Variants in CDK14 observed in about 807,000 individuals in gnomAD.
CDK14 encodes cyclin dependent kinase 14.
CDK14 carries 34 observed loss-of-function variants against 60.7 expected under a neutral mutation model. The ratio of observed to expected loss-of-function variants is 0.56; its 90% CI spans 0.43 to 0.75. The LOEUF (loss-of-function observed/expected upper bound fraction) is 0.75, where lower values mean the gene tolerates loss of function less well. CDK14 is among the 30% of genes least tolerant of loss of function. The pLI is 0.00. For synonymous variants in CDK14, 197 were observed against 203.7 expected (o/e 0.97, Z 0.28); for missense variants, 482 against 564.1 (o/e 0.85, Z 1.47).
At position 90,796,632 on chromosome 7, in the gene CDK14, A is replaced by G. The variant is rs555531858; in HGVS notation, c.544+5980A>G. On this transcript the variant is annotated intron_variant, in intron 5 of 14. Transcript: ENST00000380050. ...AACCTGTATTATAAATATGGAATTA[A>G]GGCTCAGAGGGGTTAGATGACTTGT... Among the ~76,000 whole-genome samples, 14 of 152,296 alleles carry G rather than the reference A, an allele frequency of 9.2e-5. No individual in the cohort carries two copies. In the South Asian group the frequency reaches 2.7e-3, roughly 29 times the overall value.
At chr7:90,755,016 A>G (rs541017907) in intron 4 of CDK14, among the ~76,000 whole-genome samples, 1 of 152,304 alleles carries the variant, frequency 6.6e-6, no homozygotes, top group South Asian at 2.1e-4. Context: ...TGCTGGTGAG[A>G]ATGTAAATTA....
intron 5 of CDK14, among the ~76,000 whole-genome samples, chr7:90,854,467 C>T (rs1363448331): frequency 1.3e-5 from 2 of 152,130 alleles, no homozygotes; most frequent in East Asian, 3.8e-4. Context: ...GAGGTTGAGG[C>T]TGCAATGAGC....
At position 91,057,576 on chromosome 7, in the gene CDK14, T is replaced by G. The variant is rs193235428; in HGVS notation, c.1105+11616T>G. On this transcript the variant is annotated intron_variant, in intron 11 of 14. Coordinates refer to ENST00000380050, the MANE Select transcript of CDK14 (RefSeq NM_001287135.2). ...AGTCTTTAATCCATCTTGAATTAAT[T>G]TTTGTATAAGGTATAAGGAAGGGAT... is the stretch of plus-strand genomic sequence containing the variant. Among the ~76,000 whole-genome samples the G allele has an allele frequency of 7.1e-3, 1,086 of 152,328 alleles. 17 individuals are homozygous for G. Among genetic ancestry groups the G allele is most frequent in the African/African-American group, 0.025 (1,039 of 41,570 alleles).
intron 10 of CDK14, among the ~76,000 whole-genome samples, chr7:91,036,491 G>A (rs1286573546): frequency 1.3e-5 from 2 of 151,950 alleles, no homozygotes; most frequent in Non-Finnish European, 2.9e-5. Flanking sequence ...TATACCAAAT[G>A]TGCCTGTCTC....
At chr7:91,066,115 C>T (rs922372517) in intron 11 of CDK14, among the ~76,000 whole-genome samples, 5 of 151,792 alleles carry the variant, frequency 3.3e-5, no homozygotes, top group East Asian at 3.9e-4. Flanking sequence ...TGTGTTACAA[C>T]GAAAAATAAT....
intron 5 of CDK14, among the ~76,000 whole-genome samples, chr7:90,808,213 G>C (rs925262653): frequency 6.6e-6 from 1 of 152,202 alleles, no homozygotes; most frequent in Non-Finnish European, 1.5e-5. Context: ...GGCAGCCAGA[G>C]AGAAAGATTG....
intron 14 of CDK14, among the ~76,000 whole-genome samples, chr7:91,154,248 A>G (rs1800911655): frequency 1.3e-5 from 2 of 151,402 alleles, no homozygotes; most frequent in South Asian, 4.2e-4. Context: ...GTAAATCTTG[A>G]ATATTTCCCC....
Position 90,856,880 on chromosome 7 carries a change from A to G in CDK14, c.545-6295A>G, listed in dbSNP as rs1211759077. 2.0e-5 allele frequency among the ~76,000 whole-genome samples: 3 copies of G among 152,136 alleles called. No homozygotes were observed. The South Asian group carries it at 6.2e-4, about 31-fold the overall frequency. ...AGTTGGGTCCTTAGGTTTCATGAGT[A>G]GTCATTCTGGGAAAGTCAGGCAGCA... On this transcript the variant is annotated intron_variant, in intron 5 of 14. Transcript: ENST00000380050.
chr7:90,771,899 C>T (rs1003735559), intron 4 of CDK14, among the ~76,000 whole-genome samples: 9 of 152,182 alleles, frequency 5.9e-5, no homozygotes, highest in Non-Finnish European at 1.3e-4. Flanking sequence ...ATTTGTCTGC[C>T]TCCTATTGCT....
intron 9 of CDK14, among the ~76,000 whole-genome samples, chr7:90,967,290 G>A (rs2117613609): frequency 6.6e-6 from 1 of 152,210 alleles, no homozygotes; most frequent in South Asian, 2.1e-4. Flanking sequence ...TATAGGAAGG[G>A]AGCTGCCCTA....
intron 4 of CDK14, among the ~76,000 whole-genome samples, chr7:90,786,844 C>T (rs568528810): frequency 1.4e-5 from 2 of 147,834 alleles, no homozygotes; most frequent in African/African-American, 2.5e-5. Flanking sequence ...TCTTGAGCCC[C>T]GGAGATGGAG....
At chr7:90,641,347 C>A (rs1054290074) in intron 2 of CDK14, among the ~76,000 whole-genome samples, 5 of 151,996 alleles carry the variant, frequency 3.3e-5, no homozygotes, top group African/African-American at 1.2e-4. Flanking sequence ...CAGCATTGTT[C>A]ATAATAGCCA....
chr7:91,140,713 G>A (rs1439964308), intron 14 of CDK14, among the ~76,000 whole-genome samples: 1 of 152,098 alleles, frequency 6.6e-6, no homozygotes, highest in Non-Finnish European at 1.5e-5. Context: ...AGTAGGAATG[G>A]TTCCTTTCTT....
At chr7:90,698,483 A>G (rs933522426) in intron 2 of CDK14, among the ~76,000 whole-genome samples, 1 of 152,216 alleles carries the variant, frequency 6.6e-6, no homozygotes, top group Non-Finnish European at 1.5e-5. Context: ...AATATGCATC[A>G]TGGGTGAGTC....
chr7:91,007,715 G>C (rs1014918337), intron 10 of CDK14, among the ~76,000 whole-genome samples: 4 of 151,918 alleles, frequency 2.6e-5, no homozygotes, highest in African/African-American at 9.7e-5. Flanking sequence ...GCTAGCAGCT[G>C]TCAGTAAACT....
intron 5 of CDK14, among the ~76,000 whole-genome samples, chr7:90,820,498 T>C (rs1305613648): frequency 6.6e-6 from 1 of 152,176 alleles, no homozygotes; most frequent in Non-Finnish European, 1.5e-5. Context: ...TTTCCCTGCC[T>C]CGCTCTGTCT....
intron 10 of CDK14, among the ~76,000 whole-genome samples, chr7:91,036,123 G>A (rs1020745944): frequency 5.9e-5 from 9 of 152,174 alleles, no homozygotes; most frequent in Admixed American, 3.9e-4. Flanking sequence ...GATTATAGGC[G>A]TGAGCCACTG....
chr7:90,633,280 G>A (rs2116409510), intron 2 of CDK14, among the ~76,000 whole-genome samples: 1 of 152,212 alleles, frequency 6.6e-6, no homozygotes, highest in South Asian at 2.1e-4. Context: ...TATTATTTAT[G>A]TTGACTATTT....
At chr7:91,187,639 A>G (rs1174264864) in intron 14 of CDK14, among the ~76,000 whole-genome samples, 2 of 152,188 alleles carry the variant, frequency 1.3e-5, no homozygotes, top group Admixed American at 6.6e-5. Context: ...TGGAGGTTTA[A>G]TAGGCAAAAG....
Sources: gnomAD v4.1 joint callset for allele counts (sites outside exome capture counted in the v4.1 genomes callset) on GRCh38, gnomAD v4.1.1 for gene constraint, MANE v1.5 for transcripts, NCBI Gene and HGNC (gene_info 2026-07-23, HGNC 2026-07-21) for gene names.